SLC17A9: variants seen among roughly 807,000 people sequenced by gnomAD.
The protein encoded by SLC17A9 is solute carrier family 17 member 9.
A neutral mutation model predicts 55.0 loss-of-function variants in SLC17A9; 49 were observed. That is an observed-to-expected ratio of 0.89 (90% CI 0.71 to 1.13). The LOEUF is 1.13. Among genes scored for constraint, SLC17A9 ranks in the 50% most tolerant of loss-of-function variants. The pLI is 0.00. For synonymous variants in SLC17A9, 256 were observed against 247.4 expected, an observed-to-expected ratio of 1.03 and a Z score of -0.32; for missense variants, 526 against 569.3, an observed-to-expected ratio of 0.92 and a Z score of 0.77.
At chr20:62,959,814 G>A (rs927792361) in intron 3 of SLC17A9, among the ~76,000 whole-genome samples, 5 of 152,238 alleles carry the variant, frequency 3.3e-5, no homozygotes, top group African/African-American at 1.2e-4. Flanking sequence ...TGGGTTTGGG[G>A]GACAAGCTCC....
rs1233876701 is a variant in SLC17A9, at chr20:62,966,701, A to C, written c.1118-2A>C. On this transcript the variant is annotated splice_acceptor_variant, in intron 11 of 12. Coordinates refer to ENST00000370351, the MANE Select transcript of SLC17A9 (RefSeq NM_022082.4). LOFTEE classifies it high-confidence loss of function. Reference sequence around the variant, plus strand: ...TTCTCTCTCGCTCTGGCCTCTTCACAGGTGTGGCCAACACAGCCGGGGCCT... The same window carrying C: ...TTCTCTCTCGCTCTGGCCTCTTCACCGGTGTGGCCAACACAGCCGGGGCCT... 1 of 1,613,270 alleles carries C rather than the reference A, an allele frequency of 6.2e-7. No homozygotes were observed. The highest frequency in any genetic ancestry group is 1.3e-5 in the African/African-American group (1 of 74,996).
In SLC17A9 at chr20:62,960,549, G is replaced by C. The variant is rs1334710358; in HGVS notation, c.443G>C (p.Arg148Pro). Reference sequence around the variant, plus strand: ...ACCAGCCTGCTGTCGCAGAAGGTGCGGGAGAGTGAGCGAGCCTTCACCTAC... The same window carrying C: ...ACCAGCCTGCTGTCGCAGAAGGTGCCGGAGAGTGAGCGAGCCTTCACCTAC... Reference protein sequence around the residue: ...ALTSLLSQKVRESERAFTYSI... With the variant: ...ALTSLLSQKVPESERAFTYSI... Residue 148 changes from arginine (R) to proline (P), a missense_variant, in exon 4 of 13, where the codon CGG becomes CCG. By Grantham distance (103) the Arg-to-Pro change is moderately radical. Transcript: ENST00000370351. The C allele has an allele frequency of 6.2e-7, 1 of 1,613,464 alleles. No homozygotes were observed. The highest frequency in any genetic ancestry group is 8.5e-7 in the Non-Finnish European group (1 of 1,180,006).
chr20:62,954,529 C>A (rs961643152), intron 1 of SLC17A9, among the ~76,000 whole-genome samples: 1 of 152,246 alleles, frequency 6.6e-6, no homozygotes, highest in Non-Finnish European at 1.5e-5. Context: ...TGGGAGGAAG[C>A]TGTTCAAGCT....
At chr20:62,966,483 G>T (rs2065640152) in intron 10 of SLC17A9, 42 bp from the exon 11 acceptor site, 1 of 1,600,848 alleles carries the variant, frequency 6.2e-7, no homozygotes. Context: ...CACCAGCTCG[G>T]TGGTGGCCAG....
chr20:62,957,266 C>T, intron 2 of SLC17A9, 175 bp from the exon 3 acceptor site: 1 of 985,404 alleles, frequency 1.0e-6, no homozygotes, highest in Non-Finnish European at 1.2e-6. Context: ...AGGCAGGCCG[C>T]TCCCCTGGAG....
Position 62,964,212 on chromosome 20 carries a change from A to T in SLC17A9, c.823-16A>T. 1 of 1,613,792 alleles carries T rather than the reference A, an allele frequency of 6.2e-7. No homozygotes were observed. Among genetic ancestry groups the T allele is most frequent in the South Asian group, 1.1e-5 (1 of 91,078 alleles). On this transcript the variant is annotated splice_polypyrimidine_tract_variant and intron_variant, in intron 7 of 12. Transcript: ENST00000370351. The stretch of plus-strand genomic sequence containing the variant: ...GCCGGCCCTGGCCCCCTCTAAGGCC[A>T]AACTCCCCCCTGCAGGGCTGGATCT...
rs2065661699 is a variant in SLC17A9, at chr20:62,968,898, T to C, written c.*1398T>C. ...CCCCCATGGAGTCAGACAGCCCAGCTGTGCTGTGGAAAGACAAAGTGGAGT... is the reference window on the plus strand; with the variant it reads ...CCCCCATGGAGTCAGACAGCCCAGCCGTGCTGTGGAAAGACAAAGTGGAGT... On this transcript the variant is annotated 3_prime_UTR_variant, in exon 13 of 13. Transcript: ENST00000370351. The C allele has an allele frequency of 6.6e-6, 1 of 152,284 alleles. No individual in the cohort carries two copies. The highest frequency in any genetic ancestry group is 1.5e-5 in the Non-Finnish European group (1 of 68,066). 9.4% of individuals were successfully genotyped at this position (152,284 alleles called of 1,614,324 possible). A position where few individuals can be genotyped will look rare whatever the true frequency, so the allele number is the denominator to read the frequency against.
chr20:62,957,447 G>A lies in SLC17A9; in HGVS notation c.264G>A (p.Gly88=). 6.3e-7 allele frequency: 1 copy of A among 1,585,730 alleles called. No individual in the cohort carries two copies. The highest frequency in any genetic ancestry group is 8.6e-7 in the Non-Finnish European group (1 of 1,167,324). ...VVGGHLGDRI[G]GEKVILLSAS... ...CCCTCTGTCTTCCCTCCAGGATTGG[G>A]GGTGAGAAGGTCATCCTGCTGTCAG... Residue 88 remains glycine, a synonymous_variant, in exon 3 of 13, where the codon GGG becomes GGA. Transcript: ENST00000370351.
At position 62,962,465 on chromosome 20, in the gene SLC17A9, CA is replaced by C. The variant is rs904305360; in HGVS notation, c.498-158del. ...TGAGTACCCGAAGTCCTTAACAAAA[CA>C]GGCCAGGACGGTGGCTTCTGAGCTG... On this transcript the variant is annotated intron_variant, in intron 4 of 12. Coordinates refer to ENST00000370351, the MANE Select transcript of SLC17A9 (RefSeq NM_022082.4). The surrounding 1 kb of genome is among the most constrained non-coding windows in gnomAD (Gnocchi z 5.5). 98 of 889,238 alleles carry C rather than the reference CA, an allele frequency of 1.1e-4. No homozygotes were observed. Among genetic ancestry groups the C allele is most frequent in the Middle Eastern group, 3.7e-4 (1 of 2,680 alleles). 55.1% of individuals were successfully genotyped at this position (889,238 alleles called of 1,614,324 possible). A position where few individuals can be genotyped will look rare whatever the true frequency, so the allele number is the denominator to read the frequency against.
rs1601092121 is a variant in SLC17A9, at chr20:62,960,587, G to A, written c.481G>A (p.Ala161Thr). The change falls in exon 4 of 13, where the codon GCC becomes ACC. Residue 161 changes from alanine (A) to threonine (T), a missense_variant. Coordinates refer to ENST00000370351, the MANE Select transcript of SLC17A9 (RefSeq NM_022082.4). The stretch of plus-strand genomic sequence containing the variant: ...AGCCTTCACCTACAGCATCGTGGGC[G>A]CCGGCTCCCAGTTTGGGTAAGTCCT... ...ERAFTYSIVG[A>T]GSQFGTLLTG... 2 of 1,612,512 alleles carry A rather than the reference G, an allele frequency of 1.2e-6. No homozygotes were observed. Among genetic ancestry groups the A allele is most frequent in the Non-Finnish European group, 1.7e-6 (2 of 1,179,760 alleles).
Position 62,963,648 on chromosome 20 carries a change from AC to A in SLC17A9, c.792del (p.Phe265SerfsTer125). 1 of 1,602,112 alleles carries A rather than the reference AC, an allele frequency of 6.2e-7. No homozygotes were observed. ...CTTCATCCTCCTCTCCTGGCTGCCCACCTTCTTCGAGGAGACCTTCCCCGAC... is the reference window on the plus strand; with the variant it reads ...CTTCATCCTCCTCTCCTGGCTGCCCACTTCTTCGAGGAGACCTTCCCCGAC... ...SFFILLSWLP[T>X]FFEETFPDAK... On this transcript the variant is annotated frameshift_variant, in exon 7 of 13. Coordinates refer to ENST00000370351, the MANE Select transcript of SLC17A9 (RefSeq NM_022082.4). LOFTEE classifies it high-confidence loss of function.
In SLC17A9 at chr20:62,952,771, G is replaced by A; in HGVS notation, c.-60G>A. The A allele has an allele frequency of 6.6e-7, 1 of 1,517,466 alleles. No homozygotes were observed. The highest frequency in any genetic ancestry group is 2.5e-5 in the East Asian group (1 of 40,440). 94.0% of individuals were successfully genotyped at this position (1,517,466 alleles called of 1,614,324 possible). ...CGGTGCTGCCCGGGTGGGTCAGCCT[G>A]GGCTGGGAGGCAGCCCCGGGACACA... is the stretch of plus-strand genomic sequence containing the variant. On this transcript the variant is annotated 5_prime_UTR_variant, in exon 1 of 13. Coordinates refer to ENST00000370351, the MANE Select transcript of SLC17A9 (RefSeq NM_022082.4).
At position 62,958,835 on chromosome 20, in the gene SLC17A9, C is replaced by T. The variant is rs948779643; in HGVS notation, c.397+1255C>T. Among the ~76,000 whole-genome samples, 3 of 152,186 alleles carry T rather than the reference C, an allele frequency of 2.0e-5. No individual in the cohort carries two copies. Among genetic ancestry groups the T allele is most frequent in the Non-Finnish European group, 4.4e-5 (3 of 68,024 alleles). On this transcript the variant is annotated intron_variant, in intron 3 of 12. Transcript: ENST00000370351. This position sits in a 1 kb window ranked among gnomAD's most constrained non-coding sequence, Gnocchi z 4.1. ...GGGGGTCTGCCCAGGAGAGAGGCCA[C>T]TCTCATGGTCACGGGGTGTCACATG...
rs529430191 is a variant in SLC17A9, at chr20:62,964,146, G to A, written c.823-82G>A. ...TTTCCTGGGCAGTGGTGGGCACGGG[G>A]GCGCTGTCCAGCCTGAGTATCCTCT... On this transcript the variant is annotated intron_variant, in intron 7 of 12. Transcript: ENST00000370351. 4.9e-3 allele frequency: 6,924 copies of A among 1,403,844 alleles called. 21 individuals are homozygous for A. Among genetic ancestry groups the A allele is most frequent in the Middle Eastern group, 6.4e-3 (36 of 5,630 alleles). The allele number at this position is 1,403,844 out of a possible 1,614,324, so 87.0% of individuals were successfully genotyped here.
intron 9 of SLC17A9, 117 bp downstream of exon 9, chr20:62,965,283 C>G (rs927150428): frequency 8.9e-6 from 12 of 1,348,386 alleles, no homozygotes; most frequent in Admixed American, 1.7e-5. Flanking sequence ...AAATGCCAGG[C>G]CTCTCCATGT....
chr20:62,966,762 TC>T, intron 12 of SLC17A9, 30 bp downstream of exon 12: 1 of 1,598,312 alleles, frequency 6.3e-7, no homozygotes, highest in South Asian at 1.1e-5. Flanking sequence ...GCCCAGGAGT[TC>T]CCCTGTCTGT....
At position 62,966,906 on chromosome 20, in the gene SLC17A9, T is replaced by A. The variant is rs926673905; in HGVS notation, c.1147+174T>A. The A allele has an allele frequency of 6.8e-5, 52 of 760,976 alleles. 1 individual carries two copies. The highest frequency in any genetic ancestry group is 2.9e-4 in the South Asian group (15 of 51,112). The allele number at this position is 760,976 out of a possible 1,614,324, so 47.1% of individuals were successfully genotyped here. ...GATGGGGCTGCCTTCCAGGTTCCAC[T>A]GGACTTTGCTGACGGCAGGTGGCTC... On this transcript the variant is annotated intron_variant, in intron 12 of 12. Coordinates refer to ENST00000370351, the MANE Select transcript of SLC17A9 (RefSeq NM_022082.4).
chr20:62,960,525 C>T lies in SLC17A9; in HGVS notation c.419C>T (p.Thr140Ile). Residue 140 changes from threonine to isoleucine, a missense_variant, in exon 4 of 13, where the codon ACC becomes ATC. Coordinates refer to ENST00000370351, the MANE Select transcript of SLC17A9 (RefSeq NM_022082.4). ...LLQGVYFPALTSLLSQKVRES... is the reference protein window; with the variant it reads ...LLQGVYFPALISLLSQKVRES... ...GCAGGGGTTTACTTCCCTGCCCTGACCAGCCTGCTGTCGCAGAAGGTGCGG... is the reference window on the plus strand; with the variant it reads ...GCAGGGGTTTACTTCCCTGCCCTGATCAGCCTGCTGTCGCAGAAGGTGCGG... 1 of 1,613,532 alleles carries T rather than the reference C, an allele frequency of 6.2e-7. No individual in the cohort carries two copies. The highest frequency in any genetic ancestry group is 8.5e-7 in the Non-Finnish European group (1 of 1,179,956).
rs757298619 is a variant in SLC17A9, at chr20:62,953,419, C to T, written c.59+530C>T. On this transcript the variant is annotated intron_variant, in intron 1 of 12. Transcript: ENST00000370351. Reference sequence around the variant, plus strand: ...GGGGAGAAGCAGGGCCTGGGCAGGTCGCCTGGCCACCAGCACTGCTGCCTG... The same window carrying T: ...GGGGAGAAGCAGGGCCTGGGCAGGTTGCCTGGCCACCAGCACTGCTGCCTG... 364 of 973,362 alleles carry T rather than the reference C, an allele frequency of 3.7e-4. 1 individual carries two copies. The highest frequency in any genetic ancestry group is 5.2e-4 in the Non-Finnish European group (339 of 653,570). 60.3% of individuals were successfully genotyped at this position (973,362 alleles called of 1,614,324 possible). A position where few individuals can be genotyped will look rare whatever the true frequency, so the allele number is the denominator to read the frequency against.
Sources: allele counts gnomAD v4.1 joint callset (sites outside exome capture counted in the v4.1 genomes callset), GRCh38; gene constraint gnomAD v4.1.1; non-coding constraint Gnocchi (gnomAD v3.1); transcripts MANE v1.5; gene names NCBI Gene and HGNC (gene_info 2026-07-23, HGNC 2026-07-21).